EYS: variants seen among roughly 807,000 people sequenced by gnomAD.
EYS encodes the protein EGF-like photoreceptor maintenance factor.
Under a neutral mutation model 282.1 loss-of-function variants are expected in EYS, and 250 were observed. The ratio of observed to expected loss-of-function variants is 0.89; its 90% CI spans 0.80 to 0.98. EYS has a LOEUF of 0.98. Ranked by LOEUF, EYS falls within the 50% of genes least tolerant of loss-of-function variation. EYS has a pLI of 0.00. For synonymous variants in EYS, 1,355 were observed against 1,282.9 expected (o/e 1.06, Z -1.20); for missense variants, 4,016 against 3,709.0 (o/e 1.08, Z -2.15).
chr6:64,651,675 C>T (rs1441315244), intron 22 of EYS, among the ~76,000 whole-genome samples: 3 of 151,840 alleles, frequency 2.0e-5, no homozygotes, highest in Admixed American at 6.6e-5. Flanking sequence ...GAGCGAGACT[C>T]CGTCTCAAAA....
intron 21 of EYS, among the ~76,000 whole-genome samples, chr6:64,820,552 A>G (rs1319196949): frequency 6.6e-6 from 1 of 152,150 alleles, no homozygotes; most frequent in African/African-American, 2.4e-5. Flanking sequence ...ACTATCCAGA[A>G]CAAAATAAAC....
rs142531804 is a variant in EYS at position 65,375,690 on chromosome 6, G to A, written c.1299+8696C>T. 5.3e-5 allele frequency among the ~76,000 whole-genome samples: 8 copies of A among 152,076 alleles called. No homozygotes were observed. The East Asian group carries it at 7.8e-4, about 15-fold the overall frequency. ...AGTTTAGAGAAGAACATAAATGACCGGATGGAGCTGAAAAACACAGCATGA... is the reference window on the plus strand; with the variant it reads ...AGTTTAGAGAAGAACATAAATGACCAGATGGAGCTGAAAAACACAGCATGA... On this transcript the variant is annotated intron_variant, in intron 8 of 42. Coordinates refer to ENST00000503581, the MANE Select transcript of EYS (RefSeq NM_001142800.2).
At chr6:64,642,971 T>A (rs1289431598) in intron 22 of EYS, among the ~76,000 whole-genome samples, 2 of 152,070 alleles carry the variant, frequency 1.3e-5, no homozygotes, top group Non-Finnish European at 2.9e-5. Flanking sequence ...CAAAATTAGC[T>A]GGGCGTGGTG....
chr6:64,434,112 G>C (rs1774659204), intron 28 of EYS, among the ~76,000 whole-genome samples: 2 of 151,714 alleles, frequency 1.3e-5, no homozygotes, highest in African/African-American at 4.9e-5. Context: ...TGTGTCTGGT[G>C]ATCTTATTAC....
chr6:65,446,023 A>C (rs1439505306), intron 5 of EYS, among the ~76,000 whole-genome samples: 1 of 151,786 alleles, frequency 6.6e-6, no homozygotes, highest in East Asian at 1.9e-4. Flanking sequence ...TATAAATAAC[A>C]TGGTTTTAAC....
intron 5 of EYS, among the ~76,000 whole-genome samples, chr6:65,411,815 C>CTTTT (rs199628455): frequency 1.0e-4 from 14 of 136,816 alleles, no homozygotes; most frequent in African/African-American, 3.7e-4. Context: ...ACCAATACGT[C>CTTTT]TTTTTTTTTT....
chr6:64,660,958 G>A (rs1768990616), intron 22 of EYS, among the ~76,000 whole-genome samples: 2 of 152,140 alleles, frequency 1.3e-5, no homozygotes, highest in Non-Finnish European at 2.9e-5. Context: ...GAACAAAGCT[G>A]GAGGCATCAC....
chr6:65,506,393 C>A (rs1766654285), intron 2 of EYS, among the ~76,000 whole-genome samples: 2 of 148,688 alleles, frequency 1.3e-5, no homozygotes, highest in African/African-American at 5.0e-5. Flanking sequence ...TCTTTTAGAG[C>A]ACCAATTACA....
At chr6:63,975,620 G>A (rs1766798691) in intron 35 of EYS, among the ~76,000 whole-genome samples, 3 of 151,948 alleles carry the variant, frequency 2.0e-5, no homozygotes, top group Non-Finnish European at 1.5e-5. Context: ...AAACATTAAG[G>A]ACAGCAGAGG....
chr6:64,269,268 A>G (rs1416299981), intron 30 of EYS, among the ~76,000 whole-genome samples: 1 of 152,140 alleles, frequency 6.6e-6, no homozygotes, highest in African/African-American at 2.4e-5. Flanking sequence ...ATAAGGGACA[A>G]TTAAAATGAA....
intron 26 of EYS, among the ~76,000 whole-genome samples, chr6:64,580,922 T>C (rs1766039800): frequency 6.6e-6 from 1 of 151,748 alleles, no homozygotes; most frequent in Admixed American, 6.6e-5. Context: ...CAGATGGATG[T>C]AAATTTCATA....
At chr6:65,574,648 G>A (rs1294950002) in intron 2 of EYS, among the ~76,000 whole-genome samples, 2 of 152,134 alleles carry the variant, frequency 1.3e-5, no homozygotes, top group African/African-American at 4.8e-5. Context: ...GAGAGAAATA[G>A]ACTGTAATAC....
intron 22 of EYS, among the ~76,000 whole-genome samples, chr6:64,666,525 T>C (rs1318976887): frequency 6.6e-6 from 1 of 152,238 alleles, no homozygotes; most frequent in Non-Finnish European, 1.5e-5. Flanking sequence ...TTTCACTGTG[T>C]CAACTTCAAT....
Position 65,005,545 on chromosome 6 carries a change from G to A in EYS, c.2138-7842C>T, listed in dbSNP as rs894521742. Among the ~76,000 whole-genome samples the A allele has an allele frequency of 1.2e-4, 17 of 147,408 alleles. 2 individuals carry two copies. The highest frequency in any genetic ancestry group is 2.4e-4 in the African/African-American group (10 of 41,170). ...AAAGTGGTAATGTTGGACCACTTTC[G>A]CTTGCTATTCTGTCCTATCCTTCCT... On this transcript the variant is annotated intron_variant, in intron 13 of 42. Coordinates refer to ENST00000503581, the MANE Select transcript of EYS (RefSeq NM_001142800.2).
At chr6:63,892,463 A>C (rs554398144) in intron 35 of EYS, among the ~76,000 whole-genome samples, 1 of 152,332 alleles carries the variant, frequency 6.6e-6, no homozygotes, top group African/African-American at 2.4e-5. Context: ...AAACCTGCCA[A>C]AAACAAGCAA....
At chr6:64,613,728 AGC>A in intron 24 of EYS, among the ~76,000 whole-genome samples, 1 of 152,232 alleles carries the variant, frequency 6.6e-6, no homozygotes, top group East Asian at 1.9e-4. Flanking sequence ...ACTACAGGGG[AGC>A]CCACTCTTAG....
intron 11 of EYS, among the ~76,000 whole-genome samples, chr6:65,321,973 G>C (rs905069688): frequency 3.9e-5 from 6 of 152,126 alleles, no homozygotes; most frequent in African/African-American, 1.4e-4. Flanking sequence ...TGTGTGGCAG[G>C]ATGCTTTTCT....
At chr6:64,982,453 A>G (rs372721881) in intron 14 of EYS, among the ~76,000 whole-genome samples, 2 of 151,416 alleles carry the variant, frequency 1.3e-5, no homozygotes, top group South Asian at 2.1e-4. Flanking sequence ...TAATTTAATA[A>G]CTTCTATTAG....
At chr6:64,178,092 T>C (rs1454156061) in intron 31 of EYS, among the ~76,000 whole-genome samples, 3 of 152,118 alleles carry the variant, frequency 2.0e-5, no homozygotes, top group African/African-American at 7.2e-5. Flanking sequence ...AAACCAGTGC[T>C]ATGAAAGAAG....
Sources: gnomAD v4.1 joint callset for allele counts (sites outside exome capture counted in the v4.1 genomes callset) on GRCh38, gnomAD v4.1.1 for gene constraint, MANE v1.5 for transcripts, NCBI Gene and HGNC (gene_info 2026-07-23, HGNC 2026-07-21) for gene names.